Variants in NPAS3 observed in about 807,000 individuals in gnomAD.
The protein encoded by NPAS3 is neuronal PAS domain protein 3.
Under a neutral mutation model 73.1 loss-of-function variants are expected in NPAS3, and 14 were observed. That is an observed-to-expected ratio of 0.19 (90% CI 0.13 to 0.30). NPAS3 has a LOEUF of 0.30. Ranked by LOEUF, NPAS3 falls within the 10% of genes least tolerant of loss-of-function variation. The pLI is 1.00. For missense variants in NPAS3, 1,096 were observed against 1,250.0 expected (o/e 0.88, Z 1.86); for synonymous variants, 620 against 541.5 (o/e 1.14, Z -2.01).
chr14:33,800,629 G>T lies in NPAS3; in HGVS notation c.2322G>T (p.Gly774=), dbSNP rs1006928763. The change falls in exon 12 of 12, where the codon GGG becomes GGT. Residue 774 remains glycine (G), a synonymous_variant. Transcript: ENST00000356141. This position sits in a 1 kb window ranked among gnomAD's most constrained non-coding sequence, Gnocchi z 6.5. ...GCGGGGGCGGGGGCGGCGGCGCGGGGGGCGGCGGCCCCAGCGCGTCCAACT... is the reference window on the plus strand; with the variant it reads ...GCGGGGGCGGGGGCGGCGGCGCGGGTGGCGGCGGCCCCAGCGCGTCCAACT... 8.9e-5 allele frequency: 124 copies of T among 1,386,468 alleles called. No individual in the cohort carries two copies. The highest frequency in any genetic ancestry group is 1.1e-4 in the Non-Finnish European group (118 of 1,077,978). 85.9% of individuals were successfully genotyped at this position (1,386,468 alleles called of 1,614,324 possible). A position where few individuals can be genotyped will look rare whatever the true frequency, so the allele number is the denominator to read the frequency against.
intron 6 of NPAS3, among the ~76,000 whole-genome samples, chr14:33,730,627 T>G (rs907558218): frequency 4.6e-5 from 7 of 152,214 alleles, no homozygotes; most frequent in Admixed American, 1.3e-4. Flanking sequence ...GCAAGCCACG[T>G]GAGCATCCCT....
intron 4 of NPAS3, among the ~76,000 whole-genome samples, chr14:33,394,111 G>A (rs990582302): frequency 2.0e-5 from 3 of 152,134 alleles, no homozygotes; most frequent in Non-Finnish European, 4.4e-5. Context: ...TGATGGATGG[G>A]AAAGGTTTTG....
chr14:33,618,165 A>C (rs946773058), intron 5 of NPAS3, among the ~76,000 whole-genome samples: 1 of 152,160 alleles, frequency 6.6e-6, no homozygotes, highest in African/African-American at 2.4e-5. Context: ...CCTTTTTGGC[A>C]CCAGGAACCA....
At position 33,793,882 on chromosome 14, in the gene NPAS3, G is replaced by GT. The variant is rs578129120; in HGVS notation, c.1154-7dup. The GT allele has an allele frequency of 2.2e-4, 358 of 1,595,748 alleles. No homozygotes were observed. Among genetic ancestry groups the GT allele is most frequent in the East Asian group, 2.9e-4 (13 of 44,614 alleles). ...AGTCTTAATACAATGCCTCTGTTTT[G>GT]TTTTTTTTCGCCAGTGCTGAATAAG... On this transcript the variant is annotated splice_polypyrimidine_tract_variant and intron_variant, in intron 9 of 11. Coordinates refer to ENST00000356141, the Ensembl canonical transcript of NPAS3.
chr14:33,373,467 C>T (rs1422203250), intron 4 of NPAS3, among the ~76,000 whole-genome samples: 3 of 150,186 alleles, frequency 2.0e-5, no homozygotes, highest in African/African-American at 7.4e-5. Context: ...CTATCATGTA[C>T]TTATAATTGA....
At chr14:33,735,617 T>G (rs970404649) in intron 7 of NPAS3, among the ~76,000 whole-genome samples, 2 of 152,184 alleles carry the variant, frequency 1.3e-5, no homozygotes, top group Admixed American at 1.3e-4. Flanking sequence ...TTCACTTTAA[T>G]GGAGAAGGTG....
intron 3 of NPAS3, among the ~76,000 whole-genome samples, chr14:33,339,669 G>C (rs981953838): frequency 6.6e-6 from 1 of 152,162 alleles, no homozygotes; most frequent in African/African-American, 2.4e-5. Context: ...GCTGATTTTA[G>C]TCCTGTCAAA....
intron 3 of NPAS3, among the ~76,000 whole-genome samples, chr14:33,278,367 G>A (rs1259959364): frequency 2.6e-5 from 4 of 152,094 alleles, no homozygotes; most frequent in Non-Finnish European, 4.4e-5. Flanking sequence ...AGATAAATGT[G>A]TAGAGAAGGA....
chr14:33,605,780 G>A (rs1269234552), intron 5 of NPAS3, among the ~76,000 whole-genome samples: 1 of 152,116 alleles, frequency 6.6e-6, no homozygotes, highest in African/African-American at 2.4e-5. Flanking sequence ...GTAATATAAA[G>A]ATGCTATGTC....
chr14:33,535,773 A>G (rs1193618504), intron 4 of NPAS3, among the ~76,000 whole-genome samples: 8 of 152,210 alleles, frequency 5.3e-5, no homozygotes, highest in Admixed American at 4.6e-4. Flanking sequence ...GGTCTTTGGA[A>G]CCTACTTGAA....
chr14:33,645,775 C>T (rs746923670), intron 5 of NPAS3, among the ~76,000 whole-genome samples: 7 of 152,338 alleles, frequency 4.6e-5, no homozygotes, highest in Non-Finnish European at 1.0e-4. Context: ...GATAATCACA[C>T]ATTTGAGTGT....
At chr14:33,689,845 G>T (rs1489460574) in intron 6 of NPAS3, among the ~76,000 whole-genome samples, 5 of 152,110 alleles carry the variant, frequency 3.3e-5, no homozygotes, top group Non-Finnish European at 7.3e-5. Context: ...AGCACACCAA[G>T]ATACACCTGC....
At chr14:33,612,624 G>C (rs918460461) in intron 5 of NPAS3, 1 of 392,156 alleles carries the variant, frequency 2.6e-6, no homozygotes, top group African/African-American at 2.1e-5. Context: ...AGAGTGAGGG[G>C]TGCTGGAGGA....
At chr14:33,362,178 C>A (rs1199092327) in intron 3 of NPAS3, among the ~76,000 whole-genome samples, 1 of 152,082 alleles carries the variant, frequency 6.6e-6, no homozygotes, top group African/African-American at 2.4e-5. Context: ...AGTTTCTTCT[C>A]CAAACCTGAA....
At chr14:33,523,107 A>T (rs1452460277) in intron 4 of NPAS3, among the ~76,000 whole-genome samples, 1 of 152,128 alleles carries the variant, frequency 6.6e-6, no homozygotes, top group Non-Finnish European at 1.5e-5. Context: ...GGGAATTATA[A>T]TCCAGTAGAA....
intron 4 of NPAS3, among the ~76,000 whole-genome samples, chr14:33,403,471 C>A (rs754578856): frequency 1.6e-4 from 25 of 151,998 alleles, no homozygotes; most frequent in Admixed American, 6.6e-5. Context: ...AGCAGGAACA[C>A]CTGCTTCTAT....
intron 2 of NPAS3, among the ~76,000 whole-genome samples, chr14:33,202,309 G>A (rs953919155): frequency 1.8e-4 from 28 of 152,126 alleles, no homozygotes; most frequent in Middle Eastern, 3.4e-3. Flanking sequence ...AGGCTGAGGT[G>A]GGAGAATTGC....
At chr14:33,193,404 A>G (rs971667285) in intron 2 of NPAS3, among the ~76,000 whole-genome samples, 1 of 152,172 alleles carries the variant, frequency 6.6e-6, no homozygotes, top group Non-Finnish European at 1.5e-5. Context: ...TTGCCATATC[A>G]GTAAACACAT....
chr14:33,766,273 T>G (rs1455463682), intron 7 of NPAS3, among the ~76,000 whole-genome samples: 2 of 152,268 alleles, frequency 1.3e-5, no homozygotes, highest in East Asian at 1.9e-4. Context: ...GTGCCTTCCT[T>G]ATGTATAACT....
Sources: gnomAD v4.1 joint callset for allele counts (sites outside exome capture counted in the v4.1 genomes callset) on GRCh38, gnomAD v4.1.1 for gene constraint, Gnocchi (gnomAD v3.1) non-coding constraint, MANE v1.5 for transcripts, NCBI Gene and HGNC (gene_info 2026-07-23, HGNC 2026-07-21) for gene names.